Variants in ITGA9 observed in about 807,000 individuals in gnomAD.
ITGA9 encodes integrin alpha-9.
Under a neutral mutation model 127.8 loss-of-function variants are expected in ITGA9, and 56 were observed. The ratio of observed to expected loss-of-function variants is 0.44; its 90% confidence interval spans 0.35 to 0.55. ITGA9 has a LOEUF of 0.55. Ranked by LOEUF, ITGA9 falls within the 20% of genes least tolerant of loss-of-function variation. The pLI, the probability that ITGA9 is intolerant of heterozygous loss-of-function variation, is 0.00. For synonymous variants in ITGA9, 508 were observed against 514.5 expected, an observed-to-expected ratio of 0.99 and a Z score of 0.17; for missense variants, 1,196 against 1,347.1, an observed-to-expected ratio of 0.89 and a Z score of 1.76.
chr3:37,685,647 A>G lies in ITGA9; in HGVS notation c.2067+1632A>G, dbSNP rs143909017. On this transcript the variant is annotated intron_variant, in intron 18 of 27. Transcript: ENST00000264741. ...TGGTAACTGAAAAGATGTAATTGGCAACTGGCTCATTACATTACACAGATT... is the reference window on the plus strand; with the variant it reads ...TGGTAACTGAAAAGATGTAATTGGCGACTGGCTCATTACATTACACAGATT... Among the ~76,000 whole-genome samples the G allele has an allele frequency of 2.9e-3, 440 of 152,314 alleles. 4 individuals carry two copies. Among genetic ancestry groups the G allele is most frequent in the African/African-American group, 9.8e-3 (407 of 41,568 alleles).
chr3:37,807,147 A>G (rs1391243947), intron 27 of ITGA9: 2 of 152,216 alleles, frequency 1.3e-5, no homozygotes, highest in Non-Finnish European at 2.9e-5. Flanking sequence ...GTGGGCAGCA[A>G]TCCTGACTCT....
chr3:37,607,378 T>C (rs1363588216), intron 15 of ITGA9, among the ~76,000 whole-genome samples: 1 of 152,108 alleles, frequency 6.6e-6, no homozygotes, highest in Non-Finnish European at 1.5e-5. Context: ...AGGGAAACAG[T>C]GTAAGAACAA....
At chr3:37,670,455 C>T (rs1228721196) in intron 17 of ITGA9, among the ~76,000 whole-genome samples, 1 of 152,144 alleles carries the variant, frequency 6.6e-6, no homozygotes, top group African/African-American at 2.4e-5. Flanking sequence ...ATCTGTGAAC[C>T]CGGATAAGGA....
chr3:37,683,904 G>A lies in ITGA9; in HGVS notation c.1956G>A (p.Val652=). The A allele has an allele frequency of 1.9e-6, 3 of 1,614,084 alleles. No homozygotes were observed. Among genetic ancestry groups the A allele is most frequent in the Non-Finnish European group, 2.5e-6 (3 of 1,179,992 alleles). The change falls in exon 18 of 28, where the codon GTG becomes GTA. Residue 652 remains valine (V), a synonymous_variant. Transcript: ENST00000264741. ...EKTLYLALGA[V]KNISLNISIS... is the part of the protein sequence containing the mutation. ...CCCTGTATCTAGCTTTGGGGGCTGT[G>A]AAGAACATCTCCCTAAACATCTCTA...
chr3:37,617,388 C>T (rs1700084930), intron 15 of ITGA9, among the ~76,000 whole-genome samples: 1 of 152,156 alleles, frequency 6.6e-6, no homozygotes, highest in Non-Finnish European at 1.5e-5. Context: ...CTCTGGCTGC[C>T]CTTAACATTT....
chr3:37,625,456 TG>T (rs972163744), intron 15 of ITGA9, among the ~76,000 whole-genome samples: 44 of 152,196 alleles, frequency 2.9e-4, no homozygotes, highest in African/African-American at 1.1e-3. Flanking sequence ...TTCTCCTCTG[TG>T]GGGACTCCTT....
chr3:37,618,834 G>C (rs1459426845), intron 15 of ITGA9, among the ~76,000 whole-genome samples: 2 of 152,204 alleles, frequency 1.3e-5, no homozygotes, highest in Non-Finnish European at 2.9e-5. Context: ...GGGTAGGAGT[G>C]ACCCGATTTT....
chr3:37,751,803 C>G (rs1696589344), intron 23 of ITGA9, among the ~76,000 whole-genome samples: 1 of 152,118 alleles, frequency 6.6e-6, no homozygotes, highest in Admixed American at 6.5e-5. Context: ...CTCTGAGAAA[C>G]AAATCCTTTG....
intron 26 of ITGA9, among the ~76,000 whole-genome samples, chr3:37,797,510 C>T (rs140729420): frequency 4.6e-5 from 7 of 152,198 alleles, no homozygotes; most frequent in African/African-American, 1.7e-4. Flanking sequence ...AGGAGTAAGG[C>T]AGGCTTCTTG....
At chr3:37,554,250 C>T (rs1340928258) in intron 15 of ITGA9, among the ~76,000 whole-genome samples, 2 of 152,026 alleles carry the variant, frequency 1.3e-5, no homozygotes, top group Non-Finnish European at 2.9e-5. Context: ...GGTGACCTCA[C>T]TGACGAGGTG....
At chr3:37,517,170 G>T (rs1024671475) in intron 9 of ITGA9, among the ~76,000 whole-genome samples, 1 of 152,206 alleles carries the variant, frequency 6.6e-6, no homozygotes, top group Admixed American at 6.5e-5. Context: ...TAAGGACGTG[G>T]AGAGCACATG....
chr3:37,780,131 C>T, intron 25 of ITGA9, 110 bp downstream of exon 25: 5 of 1,325,936 alleles, frequency 3.8e-6, no homozygotes, highest in Non-Finnish European at 5.4e-6. Flanking sequence ...TTGGTGTCCT[C>T]ATGACAATCT....
intron 19 of ITGA9, among the ~76,000 whole-genome samples, chr3:37,735,187 C>T (rs565773361): frequency 3.9e-5 from 6 of 152,176 alleles, no homozygotes; most frequent in Non-Finnish European, 5.9e-5. Context: ...GGCTTCTCAC[C>T]CAATTCTTTT....
intron 15 of ITGA9, among the ~76,000 whole-genome samples, chr3:37,562,087 A>C (rs1479790417): frequency 6.6e-6 from 1 of 152,132 alleles, no homozygotes; most frequent in Non-Finnish European, 1.5e-5. Flanking sequence ...CAGAGCAGAG[A>C]GCCACGAATG....
At chr3:37,775,663 A>C (rs1042650255) in intron 23 of ITGA9, among the ~76,000 whole-genome samples, 1 of 151,828 alleles carries the variant, frequency 6.6e-6, no homozygotes, top group African/African-American at 2.4e-5. Flanking sequence ...AAAAAAAAGC[A>C]AAAGTCAAAA....
chr3:37,650,150 T>C (rs532931013), intron 16 of ITGA9, among the ~76,000 whole-genome samples: 2 of 152,326 alleles, frequency 1.3e-5, no homozygotes, highest in South Asian at 4.1e-4. Context: ...GGCTAAATTC[T>C]AAGAACAAAT....
At chr3:37,758,951 T>C (rs1480791540) in intron 23 of ITGA9, among the ~76,000 whole-genome samples, 2 of 151,986 alleles carry the variant, frequency 1.3e-5, no homozygotes, top group African/African-American at 4.8e-5. Flanking sequence ...TAGATCAAGA[T>C]GTTTACATAC....
chr3:37,787,455 A>G (rs1471928990), intron 26 of ITGA9, among the ~76,000 whole-genome samples: 3 of 152,160 alleles, frequency 2.0e-5, no homozygotes, highest in Non-Finnish European at 4.4e-5. Context: ...TGATATTTTC[A>G]TTATCAAGAG....
chr3:37,701,346 T>C (rs923618642), intron 18 of ITGA9, among the ~76,000 whole-genome samples: 1 of 152,148 alleles, frequency 6.6e-6, no homozygotes, highest in Non-Finnish European at 1.5e-5. Context: ...AAAGTACCTG[T>C]AGTTTGTTTG....
Sources: gnomAD v4.1 joint callset for allele counts (sites outside exome capture counted in the v4.1 genomes callset) on GRCh38, gnomAD v4.1.1 for gene constraint, MANE v1.5 for transcripts, NCBI Gene and HGNC (gene_info 2026-07-23, HGNC 2026-07-21) for gene names.